The following ACSS3 variants were observed in gnomAD, a reference collection of about 807,000 sequenced individuals.
The protein encoded by ACSS3 is acyl-CoA synthetase short chain family member 3.
A neutral mutation model predicts 84.2 loss-of-function variants in ACSS3; 64 were observed. The observed-to-expected ratio is 0.76, with a 90% CI of 0.62 to 0.94. The LOEUF (loss-of-function observed/expected upper bound fraction) is 0.94, where lower values mean the gene tolerates loss of function less well. Among genes scored for constraint, ACSS3 ranks in the 40% least tolerant of loss-of-function variants. The probability of loss-of-function intolerance (pLI) is 0.00; values close to 1 mark genes in which losing one functional copy is unlikely to be tolerated. For missense variants in ACSS3, 815 were observed against 867.6 expected (o/e 0.94, Z 0.76); for synonymous variants, 317 against 310.1 (o/e 1.02, Z -0.23).
chr12:81,204,209 G>A (rs777083081), intron 9 of ACSS3, among the ~76,000 whole-genome samples: 1 of 151,928 alleles, frequency 6.6e-6, no homozygotes, highest in Non-Finnish European at 1.5e-5. Flanking sequence ...ACAAAAAAAA[G>A]ATTTGTTAAA....
intron 9 of ACSS3, among the ~76,000 whole-genome samples, chr12:81,211,577 TC>T: frequency 6.6e-6 from 1 of 152,152 alleles, no homozygotes; most frequent in Non-Finnish European, 1.5e-5. Flanking sequence ...TGTGAATTGG[TC>T]CCTGATGTTT....
At chr12:81,207,294 C>T (rs2032388685) in intron 9 of ACSS3, among the ~76,000 whole-genome samples, 1 of 152,132 alleles carries the variant, frequency 6.6e-6, no homozygotes, top group African/African-American at 2.4e-5. Context: ...GCCTACTGCC[C>T]CCACAAAACA....
intron 9 of ACSS3, among the ~76,000 whole-genome samples, chr12:81,205,950 C>T (rs1271447644): frequency 1.3e-5 from 2 of 152,030 alleles, no homozygotes; most frequent in African/African-American, 4.8e-5. Flanking sequence ...CATTCCTAGG[C>T]ATACCTAGGC....
At chr12:81,100,533 T>C (rs1045528327) in intron 1 of ACSS3, among the ~76,000 whole-genome samples, 4 of 152,330 alleles carry the variant, frequency 2.6e-5, no homozygotes, top group African/African-American at 7.2e-5. Context: ...CCTCTGCCTC[T>C]TAAATTATGA....
At chr12:81,152,127 A>G in intron 7 of ACSS3, 31 bp downstream of exon 7, 1 of 1,551,260 alleles carries the variant, frequency 6.4e-7, no homozygotes, top group Non-Finnish European at 8.8e-7. Context: ...CCACATATAA[A>G]TGATATTTAT....
chr12:81,095,600 C>T (rs1307490884), intron 1 of ACSS3, among the ~76,000 whole-genome samples: 1 of 152,176 alleles, frequency 6.6e-6, no homozygotes, highest in East Asian at 1.9e-4. Context: ...TAAGATCATT[C>T]ATTCATGTCT....
chr12:81,118,480 T>G (rs887320654), intron 2 of ACSS3, among the ~76,000 whole-genome samples: 4 of 152,190 alleles, frequency 2.6e-5, no homozygotes, highest in African/African-American at 9.6e-5. Context: ...AAATGTCATA[T>G]ATGCTTTCTA....
intron 7 of ACSS3, among the ~76,000 whole-genome samples, chr12:81,162,709 C>T (rs1294412989): frequency 1.3e-5 from 2 of 152,254 alleles, no homozygotes; most frequent in East Asian, 3.9e-4. Context: ...GGCACCCTGG[C>T]TGTCCATGCT....
intron 1 of ACSS3, among the ~76,000 whole-genome samples, chr12:81,079,630 C>G (rs927058864): frequency 6.6e-6 from 1 of 152,090 alleles, no homozygotes; most frequent in African/African-American, 2.4e-5. Context: ...TTTGATCGGT[C>G]CTCTTTTCTG....
At chr12:81,094,411 C>A (rs1005024978) in intron 1 of ACSS3, 3 of 152,124 alleles carry the variant, frequency 2.0e-5, no homozygotes, top group African/African-American at 7.2e-5. Context: ...AGTTTCAGAT[C>A]TTTTTATCAT....
chr12:81,150,596 T>G (rs74924855), intron 5 of ACSS3, among the ~76,000 whole-genome samples: 2,219 of 152,298 alleles, frequency 0.015, 51 homozygotes, highest in African/African-American at 0.05. Context: ...ATGCTAACCA[T>G]GTCATACAAT....
At chr12:81,127,205 A>G (rs1166553565) in intron 2 of ACSS3, among the ~76,000 whole-genome samples, 1 of 151,946 alleles carries the variant, frequency 6.6e-6, no homozygotes, top group East Asian at 1.9e-4. Flanking sequence ...TCAATGCTGT[A>G]TCTAATAAAT....
Position 81,139,195 on chromosome 12 carries a change from T to C in ACSS3, c.710T>C (p.Leu237Pro), listed in dbSNP as rs1230934931. 2 of 1,613,846 alleles carry C rather than the reference T, an allele frequency of 1.2e-6. No homozygotes were observed. The highest frequency in any genetic ancestry group is 1.7e-6 in the Non-Finnish European group (2 of 1,179,886). The change falls in exon 4 of 16, where the codon CTT becomes CCT. Residue 237 changes from leucine to proline, a missense_variant. By Grantham distance (98) the Leu-to-Pro change is moderately conservative. Coordinates refer to ENST00000548058, the MANE Select transcript of ACSS3 (RefSeq NM_024560.4). ...EPGRRVEYVP[L>P]VEEALKIGQH... ...GGAAGGAGGGTAGAGTACGTACCACTTGTAGAAGAAGCGCTAAAAATAGGA... is the reference window on the plus strand; with the variant it reads ...GGAAGGAGGGTAGAGTACGTACCACCTGTAGAAGAAGCGCTAAAAATAGGA...
intron 8 of ACSS3, among the ~76,000 whole-genome samples, chr12:81,180,507 C>T (rs1207876918): frequency 1.3e-5 from 2 of 152,056 alleles, no homozygotes; most frequent in Non-Finnish European, 2.9e-5. Flanking sequence ...ATCTATGTAT[C>T]TATCTGTCTG....
intron 9 of ACSS3, among the ~76,000 whole-genome samples, chr12:81,213,938 TCTCTCTCTC>T (rs2032774327): frequency 1.1e-4 from 11 of 97,678 alleles, no homozygotes; most frequent in South Asian, 3.9e-4. Flanking sequence ...CCTTCCTTTC[TCTCTCTCTC>T]TCCCTCTCTC....
chr12:81,154,224 C>T (rs2135760423), intron 7 of ACSS3, among the ~76,000 whole-genome samples: 1 of 152,202 alleles, frequency 6.6e-6, no homozygotes. Flanking sequence ...ATGACAAAGC[C>T]AAAGATGCTA....
In ACSS3 at chr12:81,257,282, G is replaced by C. The variant is rs2034336231; in HGVS notation, c.*2360G>C. The C allele has an allele frequency of 6.6e-6, 1 of 151,952 alleles. No homozygotes were observed. The allele number at this position is 151,952 out of a possible 1,614,324, so 9.4% of individuals were successfully genotyped here. On this transcript the variant is annotated 3_prime_UTR_variant, in exon 16 of 16. Transcript: ENST00000548058. ...GGGAATTGCAAGATCAAAGAATGTT[G>C]TTACTTTTATGTGATGAAAAAATAG...
intron 9 of ACSS3, among the ~76,000 whole-genome samples, chr12:81,206,071 A>G (rs1008037899): frequency 1.4e-4 from 22 of 152,132 alleles, no homozygotes; most frequent in African/African-American, 4.8e-4. Context: ...ACCAACAGCC[A>G]TTAGCAAATA....
intron 2 of ACSS3, among the ~76,000 whole-genome samples, chr12:81,110,505 G>C (rs140387868): frequency 2.6e-5 from 4 of 152,296 alleles, no homozygotes; most frequent in African/African-American, 9.6e-5. Context: ...GGGAATTGTG[G>C]ACTGTGGGAA....
Sources: gnomAD v4.1 joint callset for allele counts (sites outside exome capture counted in the v4.1 genomes callset) on GRCh38, gnomAD v4.1.1 for gene constraint, MANE v1.5 for transcripts, NCBI Gene and HGNC (gene_info 2026-07-23, HGNC 2026-07-21) for gene names.